COMMD10: variants seen among roughly 807,000 people sequenced by gnomAD.
COMMD10 encodes the protein COMM domain containing 10, also known as COMM domain-containing protein 10.
Under a neutral mutation model 28.9 loss-of-function variants are expected in COMMD10, and 33 were observed. The ratio of observed to expected loss-of-function variants is 1.14; its 90% confidence interval spans 0.87 to 1.53. The LOEUF (loss-of-function observed/expected upper bound fraction) is 1.53. Among genes scored for constraint, COMMD10 ranks in the 40% most tolerant of loss-of-function variants. The pLI is 0.00. For synonymous variants in COMMD10, 110 were observed against 81.7 expected (o/e 1.35, Z -1.87); for missense variants, 310 against 233.4 (o/e 1.33, Z -2.14).
intron 1 of COMMD10, 189 bp downstream of exon 1, chr5:116,085,282 C>CTAG (rs1750054947): frequency 1.7e-6 from 1 of 594,358 alleles, no homozygotes; most frequent in Non-Finnish European, 2.9e-6. Context: ...AGCGCCTCTA[C>CTAG]AGTCACGGTG....
intron 5 of COMMD10, among the ~76,000 whole-genome samples, chr5:116,225,258 C>A (rs1305476293): frequency 2.0e-5 from 3 of 150,776 alleles, no homozygotes; most frequent in Non-Finnish European, 4.4e-5. Flanking sequence ...ACTTTACTTG[C>A]TAAATTCAAT....
intron 5 of COMMD10, among the ~76,000 whole-genome samples, chr5:116,279,194 C>T (rs924808279): frequency 6.6e-6 from 1 of 151,718 alleles, no homozygotes; most frequent in Admixed American, 6.6e-5. Context: ...CCTGGACATG[C>T]AGTGCATTAA....
At chr5:116,143,756 A>G (rs1201048298) in intron 5 of COMMD10, among the ~76,000 whole-genome samples, 7 of 151,910 alleles carry the variant, frequency 4.6e-5, no homozygotes, top group African/African-American at 7.2e-5. Context: ...GTAAATATGC[A>G]CTAACTTTTT....
intron 5 of COMMD10, among the ~76,000 whole-genome samples, chr5:116,197,193 C>T (rs1580540706): frequency 6.6e-6 from 1 of 152,174 alleles, no homozygotes; most frequent in East Asian, 1.9e-4. Flanking sequence ...TTGGAAGAGA[C>T]TGTAAAGTTC....
chr5:116,121,207 C>T (rs1751422208), intron 4 of COMMD10, among the ~76,000 whole-genome samples: 1 of 151,768 alleles, frequency 6.6e-6, no homozygotes, highest in Admixed American at 6.6e-5. Flanking sequence ...GTTCAGTTCC[C>T]ACCTATGAGT....
chr5:116,124,672 T>C (rs1028312822), intron 4 of COMMD10, among the ~76,000 whole-genome samples: 1 of 152,188 alleles, frequency 6.6e-6, no homozygotes, highest in Non-Finnish European at 1.5e-5. Context: ...AGTGGGGTGT[T>C]AAAGTCTCCC....
At chr5:116,105,074 T>TGTG (rs1750794730) in intron 4 of COMMD10, among the ~76,000 whole-genome samples, 2 of 152,202 alleles carry the variant, frequency 1.3e-5, no homozygotes, top group Non-Finnish European at 2.9e-5. Flanking sequence ...GCCCATACAG[T>TGTG]ATGATATTGG....
At chr5:116,094,822 C>T (rs1750416307) in intron 4 of COMMD10, among the ~76,000 whole-genome samples, 1 of 152,150 alleles carries the variant, frequency 6.6e-6, no homozygotes, top group Admixed American at 6.5e-5. Flanking sequence ...TAATTACACA[C>T]TGGAATAATA....
At chr5:116,242,762 G>C (rs1324710789) in intron 5 of COMMD10, among the ~76,000 whole-genome samples, 2 of 151,902 alleles carry the variant, frequency 1.3e-5, no homozygotes, top group African/African-American at 4.8e-5. Context: ...GAGGGGAGAG[G>C]GTTCTGTAGC....
intron 5 of COMMD10, among the ~76,000 whole-genome samples, chr5:116,138,594 A>G (rs987592506): frequency 1.3e-5 from 2 of 151,700 alleles, no homozygotes; most frequent in African/African-American, 4.8e-5. Flanking sequence ...TTATTTGTGC[A>G]TCTTTTGAGG....
At chr5:116,282,385 A>C (rs1751094264) in intron 5 of COMMD10, among the ~76,000 whole-genome samples, 1 of 151,916 alleles carries the variant, frequency 6.6e-6, no homozygotes, top group South Asian at 2.1e-4. Flanking sequence ...CTCCATATAC[A>C]GTTCAGCCAG....
intron 5 of COMMD10, among the ~76,000 whole-genome samples, chr5:116,227,595 G>A (rs1187340285): frequency 4.6e-5 from 7 of 152,034 alleles, no homozygotes; most frequent in Admixed American, 4.6e-4. Context: ...GGGGGTTATG[G>A]AACATGTCCA....
At chr5:116,229,850 A>T (rs1749483800) in intron 5 of COMMD10, among the ~76,000 whole-genome samples, 1 of 151,988 alleles carries the variant, frequency 6.6e-6, no homozygotes. Flanking sequence ...TTTAAGATGA[A>T]AAAACCCCCA....
intron 5 of COMMD10, among the ~76,000 whole-genome samples, chr5:116,215,660 C>T (rs1006188754): frequency 6.8e-6 from 1 of 146,436 alleles, no homozygotes; most frequent in African/African-American, 2.5e-5. Flanking sequence ...GCACTCCAGC[C>T]TGGGCGACAG....
intron 3 of COMMD10, among the ~76,000 whole-genome samples, chr5:116,092,244 C>A (rs778980314): frequency 6.6e-6 from 1 of 152,094 alleles, no homozygotes; most frequent in Non-Finnish European, 1.5e-5. Flanking sequence ...AATTAGGGTA[C>A]CATTTACATA....
At chr5:116,094,258 T>C (rs1329008709) in intron 4 of COMMD10, among the ~76,000 whole-genome samples, 1 of 152,168 alleles carries the variant, frequency 6.6e-6, no homozygotes, top group East Asian at 1.9e-4. Flanking sequence ...ATAAAATATT[T>C]ACAAACTATT....
At chr5:116,222,273 C>G (rs1033036592) in intron 5 of COMMD10, among the ~76,000 whole-genome samples, 1 of 152,120 alleles carries the variant, frequency 6.6e-6, no homozygotes, top group African/African-American at 2.4e-5. Flanking sequence ...CTGTATGGAC[C>G]TTAACAAAAC....
At position 116,107,372 on chromosome 5, in the gene COMMD10, ATTTCT is replaced by A. The variant is rs375623947; in HGVS notation, c.399+14677_399+14681del. ...CCCATATTTCTTGGAGGCTTTGTTC[ATTTCT>A]TTTCACTGTTTCTTCTCTGATCTTG... On this transcript the variant is annotated intron_variant, in intron 4 of 6. Transcript: ENST00000274458. Among the ~76,000 whole-genome samples, 245 of 151,838 alleles carry A rather than the reference ATTTCT, an allele frequency of 1.6e-3. 2 individuals are homozygous for A. Among genetic ancestry groups the A allele is most frequent in the African/African-American group, 5.5e-3 (229 of 41,420 alleles).
At chr5:116,181,066 C>A (rs1333127959) in intron 5 of COMMD10, among the ~76,000 whole-genome samples, 2 of 152,106 alleles carry the variant, frequency 1.3e-5, no homozygotes, top group East Asian at 1.9e-4. Context: ...ATCACTTGAG[C>A]CTGGGAGGTT....
Sources: gnomAD v4.1 joint callset for allele counts (sites outside exome capture counted in the v4.1 genomes callset) on GRCh38, gnomAD v4.1.1 for gene constraint, MANE v1.5 for transcripts, NCBI Gene and HGNC (gene_info 2026-07-23, HGNC 2026-07-21) for gene names.